GAS2L2: variants seen among roughly 807,000 people sequenced by gnomAD.
GAS2L2 encodes growth arrest specific 2 like 2, also known as GAS2-like protein 2.
A neutral mutation model predicts 35.2 loss-of-function variants in GAS2L2; 21 were observed. The observed-to-expected ratio is 0.60, with a 90% CI of 0.42 to 0.86. GAS2L2 has a LOEUF of 0.86. GAS2L2 is among the 40% of genes least tolerant of loss of function. The pLI, the probability that GAS2L2 is intolerant of heterozygous loss-of-function variation, is 0.00. For missense variants in GAS2L2, 1,169 were observed against 1,144.4 expected (o/e 1.02, Z -0.31); for synonymous variants, 490 against 473.2 (o/e 1.04, Z -0.46).
chr17:35,747,471 C>T (rs1009257001), intron 4 of GAS2L2, among the ~76,000 whole-genome samples: 18 of 152,210 alleles, frequency 1.2e-4, no homozygotes, highest in Admixed American at 5.9e-4. Context: ...GTTTTTAGTG[C>T]GGGTACACAA....
chr17:35,744,553 T>C lies in GAS2L2; in HGVS notation c.*301A>G, dbSNP rs1555598483. 1 of 349,774 alleles carries C rather than the reference T, an allele frequency of 2.9e-6. No homozygotes were observed. The highest frequency in any genetic ancestry group is 5.2e-6 in the Non-Finnish European group (1 of 191,598). 21.7% of individuals were successfully genotyped at this position (349,774 alleles called of 1,614,324 possible). A position where few individuals can be genotyped will look rare whatever the true frequency, so the allele number is the denominator to read the frequency against. ...TGCATTTAATAACTTATGGGAGTTA[T>C]GGAAACAGGTGGGCATGGCCAGGGG... On this transcript the variant is annotated 3_prime_UTR_variant, in exon 6 of 6. Coordinates refer to ENST00000604641, the MANE Select transcript of GAS2L2 (RefSeq NM_139285.4).
chr17:35,750,020 G>A lies in GAS2L2; in HGVS notation c.627+57C>T, dbSNP rs2085692824. 7.0e-6 allele frequency: 11 copies of A among 1,562,328 alleles called. No homozygotes were observed. The South Asian group carries it at 8.0e-5, about 11-fold the overall frequency. On this transcript the variant is annotated intron_variant, in intron 2 of 5. Coordinates refer to ENST00000604641, the MANE Select transcript of GAS2L2 (RefSeq NM_139285.4). ...GTGGGGGCTGGAGTGGGACTGGGGA[G>A]AGGAGCACGAAGGACAAAGGGAAGG...
chr17:35,747,410 C>A, intron 4 of GAS2L2, 142 bp from the exon 5 acceptor site: 1 of 991,854 alleles, frequency 1.0e-6, no homozygotes, highest in Non-Finnish European at 1.5e-6. Flanking sequence ...ACCGGAGTTT[C>A]TTTACGGGAG....
At position 35,746,361 on chromosome 17, in the gene GAS2L2, TC is replaced by T; in HGVS notation, c.1135del (p.Asp379ThrfsTer122). On this transcript the variant is annotated frameshift_variant, in exon 6 of 6. Coordinates refer to ENST00000604641, the MANE Select transcript of GAS2L2 (RefSeq NM_139285.4). LOFTEE classifies it low-confidence loss of function (END_TRUNC). ...TGAGGACTGGGGGCTGGGTGGGCTG[TC>T]CCCAGCTGTCGGCTGCCTCCAAGAT... ...IPSWRQPTAG[D>X]SPPSPQSSST... The T allele has an allele frequency of 7.4e-7, 1 of 1,355,212 alleles. No individual in the cohort carries two copies. Among genetic ancestry groups the T allele is most frequent in the Non-Finnish European group, 9.6e-7 (1 of 1,045,906 alleles). The allele number at this position is 1,355,212 out of a possible 1,614,324, so 83.9% of individuals were successfully genotyped here.
rs373886045 is a variant in GAS2L2 at position 35,749,259 on chromosome 17, C to G, written c.628-42G>C. The G allele has an allele frequency of 8.0e-5, 113 of 1,416,102 alleles. 1 individual carries two copies. The African/African-American group carries it at 1.4e-3, about 17-fold the overall frequency. 87.7% of individuals were successfully genotyped at this position (1,416,102 alleles called of 1,614,324 possible). ...AACTCAGCCCTCTCCTTTGCCCACT[C>G]TGGGTCAAAATGGGGGGCCTACCTG... On this transcript the variant is annotated intron_variant, in intron 2 of 5. Transcript: ENST00000604641.
At chr17:35,748,011 G>A (rs587766132) in intron 3 of GAS2L2, 66 bp from the exon 4 acceptor site, 139 of 1,222,066 alleles carry the variant, frequency 1.1e-4, no homozygotes, top group East Asian at 8.1e-4. Flanking sequence ...ACCAGCTCGC[G>A]GGCTTCCGGC....
Position 35,745,657 on chromosome 17 carries a change from G to C in GAS2L2, c.1840C>G (p.Leu614Val), listed in dbSNP as rs782097671. The change falls in exon 6 of 6, where the codon CTG becomes GTG. Residue 614 changes from leucine to valine, a missense_variant. Coordinates refer to ENST00000604641, the MANE Select transcript of GAS2L2 (RefSeq NM_139285.4). ...GGACAGGCACTCCTGACTTCTAGCA[G>C]CTTCATGTTGCCCAAAATCTCCTCT... ...LEEEILGNMK[L>V]LEVRSACPQG... 6.2e-7 allele frequency: 1 copy of C among 1,613,860 alleles called. No individual in the cohort carries two copies. The highest frequency in any genetic ancestry group is 1.7e-5 in the Admixed American group (1 of 60,006).
chr17:35,745,905 A>C lies in GAS2L2; in HGVS notation c.1592T>G (p.Leu531Arg), dbSNP rs781897672. 64 of 1,613,026 alleles carry C rather than the reference A, an allele frequency of 4.0e-5. No individual in the cohort carries two copies. The highest frequency in any genetic ancestry group is 5.3e-5 in the Non-Finnish European group (63 of 1,179,958). Residue 531 changes from leucine (L) to arginine (R), a missense_variant, in exon 6 of 6, where the codon CTT (leucine) becomes CGT (arginine). Coordinates refer to ENST00000604641, the MANE Select transcript of GAS2L2 (RefSeq NM_139285.4). Reference protein sequence around the residue: ...GATSGSPRTELGRDPIPLRAV... With the variant: ...GATSGSPRTERGRDPIPLRAV... ...CCTTAGTGGGATGGGGTCTCTCCCA[A>C]GTTCTGTCCTGGGACTTCCACTTGT...
intron 5 of GAS2L2, among the ~76,000 whole-genome samples, 184 bp from the exon 6 acceptor site, chr17:35,746,595 G>A (rs2085670042): frequency 2.0e-5 from 3 of 152,142 alleles, no homozygotes; most frequent in Admixed American, 6.5e-5. Context: ...CCTCCTTATG[G>A]CAGTCACTGC....
Position 35,750,080 on chromosome 17 carries a change from C to G in GAS2L2, c.624G>C (p.Gln208His). 1 of 1,603,342 alleles carries G rather than the reference C, an allele frequency of 6.2e-7. No homozygotes were observed. Among genetic ancestry groups the G allele is most frequent in the East Asian group, 2.2e-5 (1 of 44,710 alleles). Residue 208 changes from glutamine to histidine, a missense_variant, in exon 2 of 6, where the codon CAG (glutamine) becomes CAC (histidine). Physicochemically the swap from Gln to His is conservative, Grantham distance 24. Around this residue, in one of 3 missense-constraint regions of GAS2L2, gnomAD observed 1,035 missense variants for 976.5 expected, o/e 1.06. Transcript: ENST00000604641. ...GGGCGTGTGCAGAGCCCCTCACCAT[C>G]TGGTCCAGGTTGCGGAAGTGGCAGG... ...RQPCHFRNLD[Q>H]MVQSLVSHCT... is the part of the protein sequence containing the mutation.
chr17:35,749,018 G>T (rs2143021973), intron 3 of GAS2L2, 92 bp downstream of exon 3: 2 of 739,816 alleles, frequency 2.7e-6, no homozygotes. Context: ...GCCTGGGCAA[G>T]GTCCCATATT....
chr17:35,747,258 T>C lies in GAS2L2; in HGVS notation c.843A>G (p.Pro281=), dbSNP rs781918210. ...GGGCCGGGGGCTTCAGGAAGCTGCC[T>C]GGCTTGTGTGCTACCAACAGTCCCC... ...PCRCTSLSHK[P]GSFLKPPAPP... is the part of the protein sequence containing the mutation. Residue 281 remains proline (P), a synonymous_variant, in exon 5 of 6, where the codon CCA becomes CCG. Coordinates refer to ENST00000604641, the MANE Select transcript of GAS2L2 (RefSeq NM_139285.4). 3.7e-6 allele frequency: 6 copies of C among 1,610,636 alleles called. No homozygotes were observed. Among genetic ancestry groups the C allele is most frequent in the Non-Finnish European group, 4.2e-6 (5 of 1,178,118 alleles).
rs587761515 is a variant in GAS2L2, at chr17:35,745,792, T to A, written c.1705A>T (p.Met569Leu). The change falls in exon 6 of 6, where the codon ATG becomes TTG. Residue 569 changes from methionine (M) to leucine (L), a missense_variant. This residue lies in a region of GAS2L2 where 1,035 missense variants were observed against 976.5 expected (regional missense o/e 1.06). Coordinates refer to ENST00000604641, the MANE Select transcript of GAS2L2 (RefSeq NM_139285.4). The part of the protein sequence containing the change: ...QEDQQLDIQV[M>L]AEARESWDLG... ...TCCCAGGACTCTCTGGCCTCTGCCA[T>A]GACCTGGATGTCCAGCTGCTGGTCC... 6.2e-7 allele frequency: 1 copy of A among 1,613,824 alleles called. No individual in the cohort carries two copies. Among genetic ancestry groups the A allele is most frequent in the African/African-American group, 1.3e-5 (1 of 75,054 alleles).
rs782421974 is a variant in GAS2L2, at chr17:35,749,149, C to T, written c.696G>A (p.Lys232=). The T allele has an allele frequency of 6.2e-7, 1 of 1,614,064 alleles. No individual in the cohort carries two copies. The highest frequency in any genetic ancestry group is 8.5e-7 in the Non-Finnish European group (1 of 1,179,932). The change falls in exon 3 of 6, where the codon AAG becomes AAA. Residue 232 remains lysine, a synonymous_variant. Transcript: ENST00000604641. ...QFSMVKVSEG[K]YRVGDSNTLI... ...GGGTGTTGGAGTCACCCACACGGTA[C>T]TTCCCCTCAGACACTTTGACCATGG...
rs1435781034 is a variant in GAS2L2, at chr17:35,744,914, G to A, written c.2583C>T (p.Gly861=). 3 of 1,612,600 alleles carry A rather than the reference G, an allele frequency of 1.9e-6. No individual in the cohort carries two copies. Among genetic ancestry groups the A allele is most frequent in the Admixed American group, 1.7e-5 (1 of 59,704 alleles). Residue 861 remains glycine, a synonymous_variant, in exon 6 of 6, where the codon GGC becomes GGT. Coordinates refer to ENST00000604641, the MANE Select transcript of GAS2L2 (RefSeq NM_139285.4). The part of the protein sequence containing the change: ...PLESSPQPPE[G]LQPHWLNQAP... ...CTTGATTAAGCCAGTGAGGTTGCAG[G>A]CCCTCTGGAGGTTGGGGGCTGCTCT...
Position 35,752,877 on chromosome 17 carries a change from G to A in GAS2L2, c.-27C>T. ...GCTGGACCCCAGCAGGGCAGGAGGTGGGCACCTCCCCTCTCCCACTGCCGC... is the reference window on the plus strand; with the variant it reads ...GCTGGACCCCAGCAGGGCAGGAGGTAGGCACCTCCCCTCTCCCACTGCCGC... On this transcript the variant is annotated 5_prime_UTR_variant, in exon 1 of 6. Transcript: ENST00000604641. 1 of 1,561,410 alleles carries A rather than the reference G, an allele frequency of 6.4e-7. No homozygotes were observed. The highest frequency in any genetic ancestry group is 8.7e-7 in the Non-Finnish European group (1 of 1,151,888).
At chr17:35,752,364 A>T in intron 1 of GAS2L2, 102 bp downstream of exon 1, 1 of 1,201,490 alleles carries the variant, frequency 8.3e-7, no homozygotes, top group Non-Finnish European at 1.2e-6. Context: ...TAGAATGAGG[A>T]TCCAGGCTCC....
chr17:35,749,352 G>A (rs2085689284), intron 2 of GAS2L2, 135 bp from the exon 3 acceptor site: 1 of 616,038 alleles, frequency 1.6e-6, no homozygotes, highest in Non-Finnish European at 2.9e-6. Flanking sequence ...GGAGGGAGTA[G>A]ATAAGGCTGT....
rs149382781 is a variant in GAS2L2 at position 35,745,064 on chromosome 17, G to T, written c.2433C>A (p.Pro811=). ...GCACAGCTCTCAACAGCCTGTCCTT[G>T]GGGGGCTGCCTGGCTGGACCCAGGA... ...YVFLGPARQP[P]KDRLLRAVLG... The change falls in exon 6 of 6, where the codon CCC becomes CCA. Residue 811 remains proline, a synonymous_variant. Transcript: ENST00000604641. 5 of 1,613,710 alleles carry T rather than the reference G, an allele frequency of 3.1e-6. No homozygotes were observed. Among genetic ancestry groups the T allele is most frequent in the African/African-American group, 2.7e-5 (2 of 74,928 alleles).
Sources: allele counts gnomAD v4.1 joint callset (sites outside exome capture counted in the v4.1 genomes callset), GRCh38; gene constraint gnomAD v4.1.1; regional missense constraint gnomAD v4.1.1; transcripts MANE v1.5; gene names NCBI Gene and HGNC (gene_info 2026-07-23, HGNC 2026-07-21).